Variants in STAM2 observed in about 807,000 individuals in gnomAD.
STAM2 encodes signal transducing adaptor molecule 2, also known as signal transducing adapter molecule 2.
Under a neutral mutation model 65.6 loss-of-function variants are expected in STAM2, and 51 were observed. That is an observed-to-expected ratio of 0.78 (90% CI 0.62 to 0.98). The LOEUF (loss-of-function observed/expected upper bound fraction) is 0.98. Ranked by LOEUF, STAM2 falls within the 50% of genes least tolerant of loss-of-function variation. The pLI is 0.00. For synonymous variants in STAM2, 198 were observed against 208.4 expected (o/e 0.95, Z 0.43); for missense variants, 584 against 617.8 (o/e 0.95, Z 0.58).
chr2:152,144,159 A>G, intron 6 of STAM2, 146 bp from the exon 7 acceptor site: 1 of 377,088 alleles, frequency 2.7e-6, no homozygotes, highest in Non-Finnish European at 5.0e-6. Context: ...AGGGTGGGGC[A>G]GGGCAGGGAA....
At chr2:152,151,301 C>T (rs924697288) in intron 1 of STAM2, among the ~76,000 whole-genome samples, 1 of 151,928 alleles carries the variant, frequency 6.6e-6, no homozygotes, top group African/African-American at 2.4e-5. Context: ...CCTGCCTCAG[C>T]CGCCTGAGTA....
chr2:152,165,977 CG>C (rs1262796203), intron 1 of STAM2, among the ~76,000 whole-genome samples: 1 of 152,058 alleles, frequency 6.6e-6, no homozygotes, highest in Non-Finnish European at 1.5e-5. Flanking sequence ...TCAAGGCGGG[CG>C]GATTACATAA....
intron 2 of STAM2, 68 bp from the exon 3 acceptor site, chr2:152,148,368 AT>A: frequency 8.0e-7 from 1 of 1,246,294 alleles, no homozygotes; most frequent in African/African-American, 1.5e-5. Flanking sequence ...ACATTAAGGT[AT>A]TATTCTATTA....
chr2:152,126,011 A>C (rs1428373096), intron 12 of STAM2: 1 of 396,202 alleles, frequency 2.5e-6, no homozygotes, highest in Admixed American at 4.2e-5. Flanking sequence ...TCCATGTTAA[A>C]ACTGAACTAA....
rs1187375978 is a variant in STAM2 at position 152,151,007 on chromosome 2, T to G, written c.41-778A>C. On this transcript the variant is annotated intron_variant, in intron 1 of 13. Transcript: ENST00000263904. ...CTGCACCCAGCCTGAAGCACTGTTT[T>G]CAATAGCAAAAAGGAAAATTGATTA... Among the ~76,000 whole-genome samples the G allele has an allele frequency of 4.6e-5, 7 of 151,600 alleles. No individual in the cohort carries two copies. The East Asian group carries it at 1.4e-3, about 30-fold the overall frequency.
intron 7 of STAM2, among the ~76,000 whole-genome samples, chr2:152,143,310 T>C (rs1251003260): frequency 6.6e-6 from 1 of 152,174 alleles, no homozygotes; most frequent in Non-Finnish European, 1.5e-5. Flanking sequence ...CTTGCTAAAT[T>C]TCATGAATTT....
intron 2 of STAM2, among the ~76,000 whole-genome samples, chr2:152,148,822 T>C (rs1487346239): frequency 6.6e-6 from 1 of 151,584 alleles, no homozygotes; most frequent in Non-Finnish European, 1.5e-5. Flanking sequence ...TATTCCAAAA[T>C]TAAGAGACAA....
At position 152,161,188 on chromosome 2, in the gene STAM2, G is replaced by A. The variant is rs537252083; in HGVS notation, c.41-10959C>T. Among the ~76,000 whole-genome samples, 254 of 151,766 alleles carry A rather than the reference G, an allele frequency of 1.7e-3. 1 individual carries two copies. Among genetic ancestry groups the A allele is most frequent in the African/African-American group, 5.4e-3 (223 of 41,386 alleles). ...TTCTGCCTTGGGATCCTGTTGATCT[G>A]TGACCTTACCCCCAACCCTGTGCTC... On this transcript the variant is annotated intron_variant, in intron 1 of 13. Coordinates refer to ENST00000263904, the MANE Select transcript of STAM2 (RefSeq NM_005843.6).
chr2:152,123,356 A>C (rs1046439852), intron 13 of STAM2, among the ~76,000 whole-genome samples: 1 of 152,198 alleles, frequency 6.6e-6, no homozygotes, highest in Non-Finnish European at 1.5e-5. Flanking sequence ...TGGGTGACAG[A>C]GGGAGACTCT....
chr2:152,169,561 CA>C (rs761193458), intron 1 of STAM2, among the ~76,000 whole-genome samples: 4 of 151,990 alleles, frequency 2.6e-5, no homozygotes, highest in Non-Finnish European at 5.9e-5. Flanking sequence ...TGCACCCTGC[CA>C]TCAATTTTTA....
rs762414088 is a variant in STAM2, at chr2:152,123,923, G to T, written c.1192C>A (p.Gln398Lys). The change falls in exon 13 of 14, where the codon CAA becomes AAA. Residue 398 changes from glutamine (Q) to lysine (K), a missense_variant. Coordinates refer to ENST00000263904, the MANE Select transcript of STAM2 (RefSeq NM_005843.6). ...CCCATATAGTTTCCACCATGTGATT[G>T]AACTGGATATGTCTATTAATCAGAA... Reference protein sequence around the residue: ...SGVPMQTYPVQSHGGNYMGQS... With the variant: ...SGVPMQTYPVKSHGGNYMGQS... The T allele has an allele frequency of 8.7e-6, 14 of 1,613,838 alleles. No individual in the cohort carries two copies. The highest frequency in any genetic ancestry group is 1.2e-5 in the Non-Finnish European group (14 of 1,179,944).
At position 152,143,865 on chromosome 2, in the gene STAM2, G is replaced by C. The variant is rs1373505467; in HGVS notation, c.666C>G (p.Thr222=). The change falls in exon 7 of 14, where the codon ACC becomes ACG. Residue 222 remains threonine, a synonymous_variant. Transcript: ENST00000263904. The part of the protein sequence containing the change: ...DFEAVEDNEL[T]FKHGEIIIVL... ...CAATAATTATTTCACCATGTTTAAA[G>C]GTGAGTTCATTGTCCTCAACAGCTT... is the stretch of plus-strand genomic sequence containing the variant. The C allele has an allele frequency of 6.2e-7, 1 of 1,612,842 alleles. No individual in the cohort carries two copies. The highest frequency in any genetic ancestry group is 8.5e-7 in the Non-Finnish European group (1 of 1,179,626).
intron 7 of STAM2, among the ~76,000 whole-genome samples, chr2:152,141,118 G>A (rs1467716688): frequency 3.6e-5 from 5 of 139,280 alleles, no homozygotes; most frequent in Admixed American, 7.5e-5. Flanking sequence ...CAGCCTGGGC[G>A]ACAGAGTGAG....
chr2:152,147,046 A>G lies in STAM2; in HGVS notation c.447+116T>C, dbSNP rs975082046. On this transcript the variant is annotated intron_variant, in intron 5 of 13. Coordinates refer to ENST00000263904, the MANE Select transcript of STAM2 (RefSeq NM_005843.6). ...AAGGAAGGCACTATGCTAGAGAGTCATTTGGGAAGTAAAGGTGGAAAATGA... is the reference window on the plus strand; with the variant it reads ...AAGGAAGGCACTATGCTAGAGAGTCGTTTGGGAAGTAAAGGTGGAAAATGA... The G allele has an allele frequency of 4.1e-6, 4 of 975,356 alleles. No individual in the cohort carries two copies. The African/African-American group carries it at 6.7e-5, about 16-fold the overall frequency. 60.4% of individuals were successfully genotyped at this position (975,356 alleles called of 1,614,324 possible).
chr2:152,130,383 C>CT (rs1242707944), intron 11 of STAM2, among the ~76,000 whole-genome samples: 2 of 152,008 alleles, frequency 1.3e-5, no homozygotes, highest in East Asian at 3.9e-4. Context: ...TCCCGAGTAG[C>CT]TGGGACTACA....
intron 1 of STAM2, among the ~76,000 whole-genome samples, chr2:152,162,686 G>A (rs924290244): frequency 7.2e-5 from 11 of 152,180 alleles, no homozygotes; most frequent in African/African-American, 2.7e-4. Context: ...CTGTTGCCCA[G>A]GTTGGAGTAT....
chr2:152,151,956 C>T (rs1276278599), intron 1 of STAM2, among the ~76,000 whole-genome samples: 2 of 152,102 alleles, frequency 1.3e-5, no homozygotes, highest in Non-Finnish European at 2.9e-5. Context: ...GGTTGGCTTA[C>T]TGAGACAGGG....
intron 12 of STAM2, chr2:152,124,705 A>G (rs1202279975): frequency 1.3e-5 from 2 of 152,222 alleles, no homozygotes; most frequent in East Asian, 3.8e-4. Context: ...TAAAGTAAAT[A>G]CCATTCATCT....
At chr2:152,126,822 T>A (rs570255347) in intron 11 of STAM2, among the ~76,000 whole-genome samples, 7 of 152,328 alleles carry the variant, frequency 4.6e-5, no homozygotes, top group Non-Finnish European at 2.9e-5. Flanking sequence ...CTCTGAATGG[T>A]TGCTGTCCAC....
Sources: allele counts gnomAD v4.1 joint callset (sites outside exome capture counted in the v4.1 genomes callset), GRCh38; gene constraint gnomAD v4.1.1; transcripts MANE v1.5; gene names NCBI Gene and HGNC (gene_info 2026-07-23, HGNC 2026-07-21).